NPHP4: variants seen among roughly 807,000 people sequenced by gnomAD.
The protein encoded by NPHP4 is nephrocystin 4.
In NPHP4, 151 loss-of-function variants were observed where a neutral mutation model predicts 155.8. That is an observed-to-expected ratio of 0.97 (90% CI 0.85 to 1.11). The LOEUF is 1.11. Among genes scored for constraint, NPHP4 ranks in the 50% least tolerant of loss-of-function variants. The probability of loss-of-function intolerance (pLI) is 0.00; values close to 1 mark genes in which losing one functional copy is unlikely to be tolerated. For missense variants in NPHP4, 1,956 were observed against 1,925.7 expected (o/e 1.02, Z -0.29); for synonymous variants, 845 against 816.8 (o/e 1.03, Z -0.59).
At position 5,867,118 on chromosome 1, in the gene NPHP4, G is replaced by A. The variant is rs1304642945; in HGVS notation, c.3473-3C>T. ...ACCAAGCATTCCCACCGGAGCACCT[G>A]GAGCAGGGGAAATGTCAAAAAGAGT... is the stretch of plus-strand genomic sequence containing the variant. On this transcript the variant is annotated splice_polypyrimidine_tract_variant and splice_region_variant and intron_variant, in intron 24 of 29. Transcript: ENST00000378156. The surrounding 1 kb of genome is among the most constrained non-coding windows in gnomAD (Gnocchi z 4.1). 1.9e-6 allele frequency: 3 copies of A among 1,608,808 alleles called. No homozygotes were observed. The highest frequency in any genetic ancestry group is 2.5e-6 in the Non-Finnish European group (3 of 1,177,404).
At chr1:5,865,950 G>A (rs1434949785) in intron 26 of NPHP4, 3 of 221,672 alleles carry the variant, frequency 1.4e-5, no homozygotes, top group Non-Finnish European at 2.7e-5. Context: ...AGGGGAAAGG[G>A]GCCGGGTCAT....
At chr1:5,989,614 T>C (rs188370716) in intron 1 of NPHP4, among the ~76,000 whole-genome samples, 17 of 152,348 alleles carry the variant, frequency 1.1e-4, no homozygotes, top group African/African-American at 3.4e-4. Flanking sequence ...CCCTCAAGCT[T>C]TTCTTTCCCA....
intron 22 of NPHP4, chr1:5,873,640 T>G: frequency 2.1e-6 from 1 of 480,036 alleles, no homozygotes. Context: ...AGTGAGCCTC[T>G]AGGGACATCT....
At chr1:5,868,153 C>T (rs1641463725) in intron 23 of NPHP4, 1 of 597,892 alleles carries the variant, frequency 1.7e-6, no homozygotes. Context: ...GCCATTATTC[C>T]TCGCGAGTAC....
chr1:5,928,928 A>G (rs1380695750), intron 10 of NPHP4, among the ~76,000 whole-genome samples: 2 of 152,336 alleles, frequency 1.3e-5, no homozygotes, highest in African/African-American at 2.4e-5. Flanking sequence ...CGTCTCTCCA[A>G]TTATTTAGGT....
chr1:5,880,970 G>A (rs1330283057), intron 18 of NPHP4: 1 of 152,322 alleles, frequency 6.6e-6, no homozygotes, highest in Non-Finnish European at 1.5e-5. Flanking sequence ...AAATGCTTGT[G>A]CCATCAATTT....
chr1:5,962,014 G>A (rs1409208752), intron 5 of NPHP4, 65 bp from the exon 6 acceptor site: 1 of 1,290,060 alleles, frequency 7.8e-7, no homozygotes, highest in African/African-American at 1.5e-5. Flanking sequence ...AGTCAAACCA[G>A]CCAATTAACA....
intron 9 of NPHP4, among the ~76,000 whole-genome samples, chr1:5,939,932 G>A (rs139328144): frequency 1.2e-4 from 19 of 152,328 alleles, no homozygotes; most frequent in Admixed American, 3.9e-4. Flanking sequence ...GGCACAGAAG[G>A]AGGGAAGAGG....
At chr1:5,916,390 G>A (rs919500711) in intron 11 of NPHP4, among the ~76,000 whole-genome samples, 4 of 152,204 alleles carry the variant, frequency 2.6e-5, no homozygotes, top group Non-Finnish European at 4.4e-5. Context: ...ACACTAGTGG[G>A]TATTTAAAAG....
chr1:5,928,679 T>C (rs910529346), intron 10 of NPHP4, among the ~76,000 whole-genome samples: 1 of 152,258 alleles, frequency 6.6e-6, no homozygotes, highest in African/African-American at 2.4e-5. Flanking sequence ...TCAGTGTAGC[T>C]GTACAGTAAG....
Position 5,933,271 on chromosome 1 carries a change from A to G in NPHP4, c.1178T>C (p.Val393Ala). ...ATCAGCTTCCAGCAAGGGGTTCCAA[A>G]CAGCCCAGCGGACCATGTGCATGCA... ...LACMHMVRWA[V>A]WNPLLEADSG... The change falls in exon 10 of 30, where the codon GTT becomes GCT. Residue 393 changes from valine (V) to alanine (A), a missense_variant. Val to Ala is a moderately conservative substitution (Grantham distance 64, BLOSUM62 0). Coordinates refer to ENST00000378156, the MANE Select transcript of NPHP4 (RefSeq NM_015102.5). 1 of 1,613,762 alleles carries G rather than the reference A, an allele frequency of 6.2e-7. No individual in the cohort carries two copies. The highest frequency in any genetic ancestry group is 1.1e-5 in the South Asian group (1 of 91,078).
At chr1:5,932,376 G>T (rs1646320707) in intron 10 of NPHP4, among the ~76,000 whole-genome samples, 1 of 152,062 alleles carries the variant, frequency 6.6e-6, no homozygotes, top group Admixed American at 6.6e-5. Context: ...ACTAAGTTTA[G>T]GTAATATTCT....
chr1:5,989,947 C>T (rs1008967361), intron 1 of NPHP4, among the ~76,000 whole-genome samples: 3 of 152,222 alleles, frequency 2.0e-5, no homozygotes, highest in South Asian at 2.1e-4. Context: ...GCCACCCACA[C>T]GGAAGTCCTG....
At chr1:5,914,257 CAA>C (rs575438284) in intron 11 of NPHP4, among the ~76,000 whole-genome samples, 186 of 47,358 alleles carry the variant, frequency 3.9e-3, no homozygotes, top group African/African-American at 7.2e-3. Flanking sequence ...CTTATCTATA[CAA>C]AAAAAAAAAA....
chr1:5,961,661 C>T (rs1650339231), intron 6 of NPHP4, 133 bp downstream of exon 6: 1 of 765,630 alleles, frequency 1.3e-6, no homozygotes, highest in Admixed American at 2.2e-5. Context: ...CAACCCCCGC[C>T]AGGCCGTGCT....
At chr1:5,948,528 A>G (rs184563429) in intron 7 of NPHP4, among the ~76,000 whole-genome samples, 292 of 152,020 alleles carry the variant, frequency 1.9e-3, no homozygotes, top group African/African-American at 6.4e-3. Flanking sequence ...GATCCCCAAA[A>G]CCCGACACTA....
chr1:5,980,442 C>A (rs1245859450), intron 2 of NPHP4, among the ~76,000 whole-genome samples: 1 of 152,216 alleles, frequency 6.6e-6, no homozygotes, highest in African/African-American at 2.4e-5. Flanking sequence ...GGCCTCACGG[C>A]GCGAGGAGAA....
At chr1:5,954,663 A>G (rs964477310) in intron 6 of NPHP4, among the ~76,000 whole-genome samples, 1 of 152,196 alleles carries the variant, frequency 6.6e-6, no homozygotes, top group Non-Finnish European at 1.5e-5. Flanking sequence ...ATGAGATGAG[A>G]CGCCCTACCT....
chr1:5,956,653 C>T (rs544781453), intron 6 of NPHP4, among the ~76,000 whole-genome samples: 2 of 152,274 alleles, frequency 1.3e-5, no homozygotes, highest in East Asian at 3.9e-4. Flanking sequence ...CACAGCTGGG[C>T]CCGGTGCTGA....
Sources: allele counts gnomAD v4.1 joint callset (sites outside exome capture counted in the v4.1 genomes callset), GRCh38; gene constraint gnomAD v4.1.1; non-coding constraint Gnocchi (gnomAD v3.1); transcripts MANE v1.5; gene names NCBI Gene and HGNC (gene_info 2026-07-23, HGNC 2026-07-21).